Variants in DNAH11 observed in about 807,000 individuals in gnomAD.
DNAH11 encodes dynein axonemal heavy chain 11.
In DNAH11, 442 loss-of-function variants were observed where a neutral mutation model predicts 526.0. That is an observed-to-expected ratio of 0.84 (90% CI 0.78 to 0.91). The LOEUF (loss-of-function observed/expected upper bound fraction) is 0.91. Among genes scored for constraint, DNAH11 ranks in the 40% least tolerant of loss-of-function variants. The probability of loss-of-function intolerance (pLI) is 0.00; values close to 1 mark genes in which losing one functional copy is unlikely to be tolerated. For missense variants in DNAH11, 6,989 were observed against 5,448.7 expected, an observed-to-expected ratio of 1.28 and a Z score of -8.90; for synonymous variants, 2,461 against 1,935.9, an observed-to-expected ratio of 1.27 and a Z score of -7.12.
At chr7:21,768,741 A>C (rs902457429) in intron 55 of DNAH11, among the ~76,000 whole-genome samples, 5 of 152,092 alleles carry the variant, frequency 3.3e-5, no homozygotes, top group African/African-American at 1.2e-4. Flanking sequence ...GAGAAAGTCC[A>C]CTCTAAGAGG....
intron 67 of DNAH11, among the ~76,000 whole-genome samples, chr7:21,853,277 T>G (rs558937707): frequency 6.6e-6 from 1 of 152,216 alleles, no homozygotes; most frequent in Non-Finnish European, 1.5e-5. Context: ...AATTAGACCC[T>G]TATTTGCTTT....
intron 76 of DNAH11, among the ~76,000 whole-genome samples, chr7:21,885,375 A>G (rs1298677673): frequency 6.6e-6 from 1 of 151,066 alleles, no homozygotes; most frequent in African/African-American, 2.4e-5. Context: ...AAGGACAAAT[A>G]CATGTTCTCA....
intron 65 of DNAH11, among the ~76,000 whole-genome samples, chr7:21,839,876 T>C (rs1022323662): frequency 2.0e-5 from 3 of 152,228 alleles, no homozygotes; most frequent in African/African-American, 7.2e-5. Context: ...GAGAATTAGA[T>C]GAAGACAATA....
rs376788698 is a variant in DNAH11 at position 21,577,687 on chromosome 7, GTC to G, written c.1594-4214_1594-4213del. ...TGCCGAGTGGAGAACCTGGACTTCT[GTC>G]TCTATTGTAATGAGGCTGGAGCAGC... On this transcript the variant is annotated intron_variant, in intron 8 of 81. Transcript: ENST00000409508. Among the ~76,000 whole-genome samples, 214 of 152,286 alleles carry G rather than the reference GTC, an allele frequency of 1.4e-3. 1 individual carries two copies. Among genetic ancestry groups the G allele is most frequent in the African/African-American group, 4.8e-3 (198 of 41,568 alleles).
chr7:21,797,001 A>G (rs1427387716), intron 61 of DNAH11, among the ~76,000 whole-genome samples: 1 of 152,112 alleles, frequency 6.6e-6, no homozygotes, highest in Non-Finnish European at 1.5e-5. Context: ...ACAAAGAAAA[A>G]AGTGATAGGA....
intron 45 of DNAH11, among the ~76,000 whole-genome samples, chr7:21,729,924 A>G (rs1384856678): frequency 6.6e-6 from 1 of 152,236 alleles, no homozygotes; most frequent in African/African-American, 2.4e-5. Flanking sequence ...ATTAACCATG[A>G]TGAGATACCA....
chr7:21,606,325 G>C (rs1301414323), intron 18 of DNAH11, 101 bp from the exon 19 acceptor site: 4 of 1,010,098 alleles, frequency 4.0e-6, no homozygotes, highest in Non-Finnish European at 2.9e-6. Flanking sequence ...CTTGTCTCAA[G>C]AGAAAAAAAA....
At chr7:21,752,532 G>A (rs897009301) in intron 54 of DNAH11, among the ~76,000 whole-genome samples, 1 of 152,042 alleles carries the variant, frequency 6.6e-6, no homozygotes, top group Non-Finnish European at 1.5e-5. Context: ...CTATTCTTTT[G>A]TTTGTCTTTT....
chr7:21,793,344 G>A lies in DNAH11; in HGVS notation c.10026+4002G>A, dbSNP rs576305000. Reference sequence around the variant, plus strand: ...ATGAAAAGAATTTGTCAGGCTGGGCGTGGTGGCTCACGCCTATAATCCCAG... The same window carrying A: ...ATGAAAAGAATTTGTCAGGCTGGGCATGGTGGCTCACGCCTATAATCCCAG... On this transcript the variant is annotated intron_variant, in intron 61 of 81. Coordinates refer to ENST00000409508, the MANE Select transcript of DNAH11 (RefSeq NM_001277115.2). 8.5e-5 allele frequency among the ~76,000 whole-genome samples: 13 copies of A among 152,332 alleles called. No homozygotes were observed. The East Asian group carries it at 1.7e-3, about 20-fold the overall frequency.
At chr7:21,892,328 T>TG in intron 76 of DNAH11, 97 bp from the exon 77 acceptor site, 1 of 1,506,196 alleles carries the variant, frequency 6.6e-7, no homozygotes, top group Non-Finnish European at 8.9e-7. Flanking sequence ...AGCATTGTGC[T>TG]GGAGCCTTCT....
In DNAH11 at chr7:21,787,454, G is replaced by T. The variant is rs200614172; in HGVS notation, c.9795G>T (p.Glu3265Asp). 237 of 1,613,440 alleles carry T rather than the reference G, an allele frequency of 1.5e-4. No homozygotes were observed. The African/African-American group carries it at 2.8e-3, about 19-fold the overall frequency. The change falls in exon 60 of 82, where the codon GAG becomes GAT. Residue 3265 changes from glutamate to aspartate, a missense_variant. Physicochemically the swap from Glu to Asp is conservative, Grantham distance 45. Coordinates refer to ENST00000409508, the MANE Select transcript of DNAH11 (RefSeq NM_001277115.2). ...ACTATGACAAAGAGCACATTCCAGA[G>T]AACTGTCTAAAAGTGGTGAATGAAC... is the stretch of plus-strand genomic sequence containing the variant. Reference protein sequence around the residue: ...LINYDKEHIPENCLKVVNEHY... With the variant: ...LINYDKEHIPDNCLKVVNEHY...
intron 73 of DNAH11, among the ~76,000 whole-genome samples, chr7:21,872,558 C>T (rs1038707427): frequency 1.3e-5 from 2 of 152,154 alleles, no homozygotes; most frequent in African/African-American, 2.4e-5. Flanking sequence ...CTTTATATCT[C>T]CCTCCCAGCA....
At chr7:21,754,035 T>A (rs1204512958) in intron 54 of DNAH11, among the ~76,000 whole-genome samples, 1 of 152,224 alleles carries the variant, frequency 6.6e-6, no homozygotes, top group Admixed American at 6.5e-5. Context: ...TCTTATAGTT[T>A]ATAATAGTTG....
Position 21,707,760 on chromosome 7 carries a change from T to C in DNAH11, c.6608T>C (p.Leu2203Ser). 1 of 1,613,444 alleles carries C rather than the reference T, an allele frequency of 6.2e-7. No individual in the cohort carries two copies. The highest frequency in any genetic ancestry group is 8.5e-7 in the Non-Finnish European group (1 of 1,179,618). ...NMKQKPVWND[L>S]NPKAVTTDEL... ...AAACAGAAGCCGGTTTGGAATGACT[T>C]AAACCCTAAAGCTGTGACAACAGAT... Residue 2203 changes from leucine to serine, a missense_variant, in exon 40 of 82, where the codon TTA becomes TCA. By Grantham distance (145) the Leu-to-Ser change is moderately radical (BLOSUM62 -2). Coordinates refer to ENST00000409508, the MANE Select transcript of DNAH11 (RefSeq NM_001277115.2).
intron 35 of DNAH11, among the ~76,000 whole-genome samples, chr7:21,696,464 T>G (rs984042226): frequency 1.3e-5 from 2 of 152,222 alleles, no homozygotes; most frequent in Admixed American, 6.5e-5. Context: ...AATGTCTAAC[T>G]TTCTTGAAAA....
Position 21,591,486 on chromosome 7 carries a change from C to T in DNAH11, c.2576C>T (p.Ala859Val), listed in dbSNP as rs150414068. Residue 859 changes from alanine to valine, a missense_variant, in exon 14 of 82, where the codon GCA (alanine) becomes GTA (valine). Transcript: ENST00000409508. ...CCCAGGAGAGAGCACAGACGAGAGG[C>T]AGCCTTCACCTTGGAGGACAAGGGT... ...LPPRREHRRE[A>V]AFTLEDKGDL... The T allele has an allele frequency of 2.8e-5, 45 of 1,612,978 alleles. No homozygotes were observed. The African/African-American group carries it at 4.3e-4, about 15-fold the overall frequency.
At position 21,601,177 on chromosome 7, in the gene DNAH11, C is replaced by T. The variant is rs760322668; in HGVS notation, c.3423C>T (p.Asp1141=). The change falls in exon 17 of 82, where the codon GAC becomes GAT. Residue 1141 remains aspartate (D), a splice_region_variant and synonymous_variant. Transcript: ENST00000409508. ...FQEHLLRFVI[D]SLNELQEFIK... is the part of the protein sequence containing the mutation. The stretch of plus-strand genomic sequence containing the variant: ...AGCATCTTTTGAGATTTGTCATTGA[C>T]AGGTAGCCTTTTACTTTGGTTTTTG... 3 of 1,588,212 alleles carry T rather than the reference C, an allele frequency of 1.9e-6. No individual in the cohort carries two copies. Among genetic ancestry groups the T allele is most frequent in the Non-Finnish European group, 2.6e-6 (3 of 1,172,958 alleles).
rs747879650 is a variant in DNAH11 at position 21,591,513 on chromosome 7, A to G, written c.2603A>G (p.Asp868Gly). Residue 868 changes from aspartate to glycine, a missense_variant, in exon 14 of 82, where the codon GAT (aspartate) becomes GGT (glycine). Transcript: ENST00000409508. Reference sequence around the variant, plus strand: ...GCCTTCACCTTGGAGGACAAGGGTGATTTGTTTACAAAAAAATACAAGTTA... The same window carrying G: ...GCCTTCACCTTGGAGGACAAGGGTGGTTTGTTTACAAAAAAATACAAGTTA... The part of the protein sequence containing the change: ...EAAFTLEDKG[D>G]LFTKKYKLIQ... 6 of 1,600,626 alleles carry G rather than the reference A, an allele frequency of 3.7e-6. No individual in the cohort carries two copies. Among genetic ancestry groups the G allele is most frequent in the Non-Finnish European group, 4.3e-6 (5 of 1,170,412 alleles).
chr7:21,698,572 G>A (rs907785126), intron 36 of DNAH11, among the ~76,000 whole-genome samples: 3 of 152,072 alleles, frequency 2.0e-5, no homozygotes, highest in African/African-American at 7.2e-5. Flanking sequence ...TACGATATTT[G>A]GCTTTCCATT....
Sources: allele counts gnomAD v4.1 joint callset (sites outside exome capture counted in the v4.1 genomes callset), GRCh38; gene constraint gnomAD v4.1.1; transcripts MANE v1.5; gene names NCBI Gene and HGNC (gene_info 2026-07-23, HGNC 2026-07-21).